The following COL4A3 variants were observed in gnomAD, a reference collection of about 807,000 sequenced individuals.
The protein encoded by COL4A3 is collagen alpha-3(IV) chain.
COL4A3 carries 135 observed loss-of-function variants against 217.4 expected under a neutral mutation model. The ratio of observed to expected loss-of-function variants is 0.62; its 90% CI spans 0.54 to 0.72. The LOEUF (loss-of-function observed/expected upper bound fraction) is 0.72, where lower values mean the gene tolerates loss of function less well. Among genes scored for constraint, COL4A3 ranks in the 30% least tolerant of loss-of-function variants. The pLI is 0.00. For missense variants in COL4A3, 1,868 were observed against 2,119.9 expected (o/e 0.88, Z 2.33); for synonymous variants, 690 against 736.3 (o/e 0.94, Z 1.02).
At position 227,247,547 on chromosome 2, in the gene COL4A3, T is replaced by A; in HGVS notation, c.442-11T>A. The A allele has an allele frequency of 6.2e-7, 1 of 1,613,558 alleles. No individual in the cohort carries two copies. The highest frequency in any genetic ancestry group is 8.5e-7 in the Non-Finnish European group (1 of 1,179,562). Reference sequence around the variant, plus strand: ...ATTCCTCTAGTTGTTCATAGGTTGCTTTTTTCCTAGGGTGCTGCTGGTTTG... The same window carrying A: ...ATTCCTCTAGTTGTTCATAGGTTGCATTTTTCCTAGGGTGCTGCTGGTTTG... On this transcript the variant is annotated splice_polypyrimidine_tract_variant and intron_variant, in intron 7 of 51. Coordinates refer to ENST00000396578, the MANE Select transcript of COL4A3 (RefSeq NM_000091.5).
chr2:227,253,613 C>G lies in COL4A3; in HGVS notation c.740C>G (p.Thr247Ser). The change falls in exon 13 of 52, where the codon ACC becomes AGC. Residue 247 changes from threonine (T) to serine (S), a missense_variant. Thr to Ser is a moderately conservative substitution (Grantham distance 58). This residue lies in a region of COL4A3 where 365 missense variants were observed against 333.8 expected (regional missense o/e 1.09). Transcript: ENST00000396578. This position sits in a 1 kb window ranked among gnomAD's most constrained non-coding sequence, Gnocchi z 4.4. The part of the protein sequence containing the change: ...PPGPPGTVIV[T>S]LTGPDNRTDL... ...GGACCACCAGGAACAGTTATTGTGA[C>G]CCTAACTGGCCCAGATAACAGAACG... The G allele has an allele frequency of 1.2e-6, 2 of 1,614,014 alleles. No individual in the cohort carries two copies. The highest frequency in any genetic ancestry group is 1.7e-6 in the Non-Finnish European group (2 of 1,179,926).
At chr2:227,283,884 G>T (rs1258602234) in intron 33 of COL4A3, 28 bp downstream of exon 33, 1 of 1,543,044 alleles carries the variant, frequency 6.5e-7, no homozygotes, top group Admixed American at 1.7e-5. Flanking sequence ...TTTCTAAATA[G>T]CAGGAAGCAT....
chr2:227,188,727 G>A (rs2066124994), intron 1 of COL4A3, among the ~76,000 whole-genome samples: 1 of 152,180 alleles, frequency 6.6e-6, no homozygotes, highest in Non-Finnish European at 1.5e-5. Context: ...ATGGTATTAT[G>A]TGTTGGGCTT....
At chr2:227,222,141 TAA>T (rs1229999412) in intron 1 of COL4A3, among the ~76,000 whole-genome samples, 2 of 77,986 alleles carry the variant, frequency 2.6e-5, no homozygotes, top group African/African-American at 4.0e-5. Context: ...ATAATAATAA[TAA>T]TAATAATAAT....
Position 227,274,152 on chromosome 2 carries a change from G to A in COL4A3, c.1927+1035G>A, listed in dbSNP as rs935843794. Among the ~76,000 whole-genome samples, 4 of 152,094 alleles carry A rather than the reference G, an allele frequency of 2.6e-5. No individual in the cohort carries two copies. In the East Asian group the frequency reaches 5.8e-4, roughly 22 times the overall value. On this transcript the variant is annotated intron_variant, in intron 26 of 51. Transcript: ENST00000396578. ...CTTGGAAGGCTGAGGTAGGAGAATCGCTTGAACCTGGAAGGTGGAGGTTGC... is the reference window on the plus strand; with the variant it reads ...CTTGGAAGGCTGAGGTAGGAGAATCACTTGAACCTGGAAGGTGGAGGTTGC...
chr2:227,268,404 G>C (rs1337915049), intron 23 of COL4A3: 1 of 152,396 alleles, frequency 6.6e-6, no homozygotes, highest in East Asian at 1.9e-4. Context: ...CTCCTAGGGG[G>C]CTGCTTTTGG....
chr2:227,281,859 A>G (rs1183221089), intron 31 of COL4A3: 2 of 152,514 alleles, frequency 1.3e-5, no homozygotes, highest in Non-Finnish European at 2.9e-5. Flanking sequence ...TGTTAGAGCC[A>G]GAAGGGAGCT....
chr2:227,256,696 T>G, intron 17 of COL4A3: 1 of 538,216 alleles, frequency 1.9e-6, no homozygotes, highest in Non-Finnish European at 3.4e-6. Flanking sequence ...GTAGGAAGTT[T>G]GTGGTTATTT....
rs746367314 is a variant in COL4A3 at position 227,311,952 on chromosome 2, T to C, written c.*82T>C. On this transcript the variant is annotated 3_prime_UTR_variant, in exon 52 of 52. Transcript: ENST00000396578. ...GAACATGCTGTTATTTAGGTATTTT[T>C]CTTTAACCAAACAATATTGCTCCAT... 6.3e-7 allele frequency: 1 copy of C among 1,576,698 alleles called. No individual in the cohort carries two copies. Among genetic ancestry groups the C allele is most frequent in the Non-Finnish European group, 8.6e-7 (1 of 1,158,366 alleles).
Position 227,240,179 on chromosome 2 carries a change from G to A in COL4A3, c.181G>A (p.Gly61Ser), listed in dbSNP as rs2068939896. Residue 61 changes from glycine to serine, a missense_variant, in exon 3 of 52, where the codon GGC (glycine) becomes AGC (serine). Gly to Ser is a moderately conservative substitution (Grantham distance 56). This residue lies in a region of COL4A3 where 365 missense variants were observed against 333.8 expected (regional missense o/e 1.09). Coordinates refer to ENST00000396578, the MANE Select transcript of COL4A3 (RefSeq NM_000091.5). The stretch of plus-strand genomic sequence containing the variant: ...CTTTCCTGGACCCCCCGGTTCTCCT[G>A]GCCAGAAAGGATTCACAGGTCCTGA... ...KGFPGPPGSP[G>S]QKGFTGPEGL... 1 of 1,611,778 alleles carries A rather than the reference G, an allele frequency of 6.2e-7. No homozygotes were observed. Among genetic ancestry groups the A allele is most frequent in the South Asian group, 1.1e-5 (1 of 90,300 alleles).
chr2:227,235,993 C>T (rs12694722), intron 1 of COL4A3, among the ~76,000 whole-genome samples: 3 of 148,816 alleles, frequency 2.0e-5, no homozygotes, highest in East Asian at 3.9e-4. Flanking sequence ...AGGCTAGTCT[C>T]GAACTCCTGA....
chr2:227,226,826 T>C (rs906267052), intron 1 of COL4A3, among the ~76,000 whole-genome samples: 1 of 152,194 alleles, frequency 6.6e-6, no homozygotes, highest in Admixed American at 6.5e-5. Flanking sequence ...ATAATGAAGA[T>C]AATTTGTACC....
At chr2:227,277,081 A>G (rs544653663) in intron 27 of COL4A3, among the ~76,000 whole-genome samples, 1 of 152,246 alleles carries the variant, frequency 6.6e-6, no homozygotes, top group African/African-American at 2.4e-5. Flanking sequence ...GCACTTTGGG[A>G]GGCCGACGCA....
Position 227,266,402 on chromosome 2 carries a change from G to A in COL4A3, c.1316-15G>A, listed in dbSNP as rs902971451. On this transcript the variant is annotated splice_polypyrimidine_tract_variant and intron_variant, in intron 21 of 51. Transcript: ENST00000396578. The stretch of plus-strand genomic sequence containing the variant: ...ACACAAATAAAAAATTGTCTTTGGT[G>A]CTGTATTTTTATAGGTGACATCGTT... 12 of 1,601,598 alleles carry A rather than the reference G, an allele frequency of 7.5e-6. No homozygotes were observed. Among genetic ancestry groups the A allele is most frequent in the Non-Finnish European group, 9.4e-6 (11 of 1,168,754 alleles).
At chr2:227,233,421 C>T (rs2068517010) in intron 1 of COL4A3, among the ~76,000 whole-genome samples, 1 of 152,160 alleles carries the variant, frequency 6.6e-6, no homozygotes, top group South Asian at 2.1e-4. Flanking sequence ...CTCTAAACAG[C>T]AGACCCATTC....
At chr2:227,277,193 C>T (rs1482453064) in intron 27 of COL4A3, among the ~76,000 whole-genome samples, 4 of 151,964 alleles carry the variant, frequency 2.6e-5, no homozygotes, top group Admixed American at 6.6e-5. Context: ...GTGGCGGGCA[C>T]CTGTGGTCCC....
Position 227,295,019 on chromosome 2 carries a change from A to T in COL4A3, c.3474A>T (p.Gly1158=). Reference sequence around the variant, plus strand: ...CAATGGGTATAAGAGGTGACCAAGGACGTGATGGAATTCCTGGTCCAGCCG... The same window carrying T: ...CAATGGGTATAAGAGGTGACCAAGGTCGTGATGGAATTCCTGGTCCAGCCG... ...PGPMGIRGDQ[G]RDGIPGPAGE... The change falls in exon 40 of 52, where the codon GGA becomes GGT. Residue 1158 remains glycine (G), a synonymous_variant. Coordinates refer to ENST00000396578, the MANE Select transcript of COL4A3 (RefSeq NM_000091.5). 1.2e-6 allele frequency: 2 copies of T among 1,612,530 alleles called. No homozygotes were observed. The highest frequency in any genetic ancestry group is 1.7e-6 in the Non-Finnish European group (2 of 1,179,702).
Position 227,253,545 on chromosome 2 carries a change from G to T in COL4A3, c.688-16G>T. 6.2e-7 allele frequency: 1 copy of T among 1,606,360 alleles called. No homozygotes were observed. The highest frequency in any genetic ancestry group is 8.5e-7 in the Non-Finnish European group (1 of 1,172,946). ...CTGTTGTTTATTTTCTCACTCCTGA[G>T]TGTTTTTGTCTTTAGGGTGTGAAAG... On this transcript the variant is annotated splice_polypyrimidine_tract_variant and intron_variant, in intron 12 of 51. Transcript: ENST00000396578. The surrounding 1 kb of genome is among the most constrained non-coding windows in gnomAD (Gnocchi z 4.4).
In COL4A3 at chr2:227,282,501, T is replaced by C; in HGVS notation, c.2625T>C (p.Tyr875=). 6.2e-7 allele frequency: 1 copy of C among 1,613,744 alleles called. No homozygotes were observed. The highest frequency in any genetic ancestry group is 8.5e-7 in the Non-Finnish European group (1 of 1,179,922). The change falls in exon 32 of 52, where the codon TAT becomes TAC. Residue 875 remains tyrosine (Y), a synonymous_variant. Coordinates refer to ENST00000396578, the MANE Select transcript of COL4A3 (RefSeq NM_000091.5). The surrounding 1 kb of genome is among the most constrained non-coding windows in gnomAD (Gnocchi z 4.4). The stretch of plus-strand genomic sequence containing the variant: ...TGGGACCACTGGGTCAAAGAGGATA[T>C]CCAGGAAATCCGGGAATTTTAGGGC... The part of the protein sequence containing the change: ...GEMGPLGQRG[Y]PGNPGILGPP...
Sources: gnomAD v4.1 joint callset for allele counts (sites outside exome capture counted in the v4.1 genomes callset) on GRCh38, gnomAD v4.1.1 for gene constraint, gnomAD v4.1.1 regional missense constraint, Gnocchi (gnomAD v3.1) non-coding constraint, MANE v1.5 for transcripts, NCBI Gene and HGNC (gene_info 2026-07-23, HGNC 2026-07-21) for gene names.